The following CFAP299 variants were observed in gnomAD, a reference collection of about 807,000 sequenced individuals.
The protein encoded by CFAP299 is cilia- and flagella-associated protein 299.
In CFAP299, 21 loss-of-function variants were observed where a neutral mutation model predicts 27.0. The observed-to-expected ratio is 0.78, with a 90% CI of 0.55 to 1.12. The LOEUF (loss-of-function observed/expected upper bound fraction) is 1.12. Among genes scored for constraint, CFAP299 ranks in the 50% most tolerant of loss-of-function variants. CFAP299 has a pLI of 0.00. For synonymous variants in CFAP299, 104 were observed against 98.1 expected (o/e 1.06, Z -0.36); for missense variants, 310 against 276.6 (o/e 1.12, Z -0.86).
intron 2 of CFAP299, among the ~76,000 whole-genome samples, chr4:80,365,814 G>C (rs760279111): frequency 6.6e-6 from 1 of 152,192 alleles, no homozygotes; most frequent in Non-Finnish European, 1.5e-5. Flanking sequence ...AGTTATTCAT[G>C]TTTAAAGTCT....
intron 3 of CFAP299, among the ~76,000 whole-genome samples, chr4:80,801,314 A>C (rs1560420237): frequency 6.6e-6 from 1 of 152,040 alleles, no homozygotes; most frequent in East Asian, 1.9e-4. Context: ...ATCCCAAGAA[A>C]GCATTATGGA....
intron 4 of CFAP299, among the ~76,000 whole-genome samples, chr4:80,875,664 CAAA>C (rs199860402): frequency 1.1e-4 from 10 of 90,752 alleles, no homozygotes; most frequent in African/African-American, 1.1e-4. Flanking sequence ...AACTCTGTCT[CAAA>C]AAAAAAAAAA....
chr4:80,955,741 C>T (rs575114702), intron 5 of CFAP299, among the ~76,000 whole-genome samples: 47 of 152,250 alleles, frequency 3.1e-4, no homozygotes, highest in Non-Finnish European at 6.0e-4. Flanking sequence ...GTGGCTCATG[C>T]CTGTAATCTC....
intron 3 of CFAP299, among the ~76,000 whole-genome samples, chr4:80,764,701 C>T (rs1302715829): frequency 6.6e-6 from 1 of 152,100 alleles, no homozygotes; most frequent in East Asian, 1.9e-4. Flanking sequence ...ACCCAAATGC[C>T]CATCAATGAT....
chr4:80,366,457 A>G (rs1314983323), intron 2 of CFAP299, among the ~76,000 whole-genome samples: 1 of 152,216 alleles, frequency 6.6e-6, no homozygotes, highest in Non-Finnish European at 1.5e-5. Flanking sequence ...AGAAGGCAAA[A>G]ATGCTAAAAA....
intron 2 of CFAP299, among the ~76,000 whole-genome samples, chr4:80,433,845 C>T (rs17004897): frequency 0.029 from 4,396 of 152,216 alleles, 226 homozygotes; most frequent in African/African-American, 0.1. Context: ...TCTCTACACT[C>T]ACTGGGAATT....
chr4:80,932,740 C>T (rs573341525), intron 4 of CFAP299, among the ~76,000 whole-genome samples: 12 of 152,238 alleles, frequency 7.9e-5, no homozygotes, highest in Admixed American at 2.0e-4. Context: ...AATATATCAA[C>T]GCTAATTCAG....
chr4:80,593,864 C>T (rs1345013267), intron 3 of CFAP299, among the ~76,000 whole-genome samples: 1 of 152,104 alleles, frequency 6.6e-6, no homozygotes, highest in Non-Finnish European at 1.5e-5. Flanking sequence ...ACTTTTGCAC[C>T]ATCAGATATT....
intron 4 of CFAP299, among the ~76,000 whole-genome samples, chr4:80,933,836 G>A (rs1042356115): frequency 1.3e-5 from 2 of 152,096 alleles, no homozygotes; most frequent in African/African-American, 2.4e-5. Flanking sequence ...GGTCAAGTCA[G>A]TAAGGGTTTC....
chr4:80,930,523 A>C (rs1736563863), intron 4 of CFAP299, among the ~76,000 whole-genome samples: 1 of 152,012 alleles, frequency 6.6e-6, no homozygotes, highest in Non-Finnish European at 1.5e-5. Context: ...GTGGGATCTC[A>C]CACTATCTCC....
intron 2 of CFAP299, among the ~76,000 whole-genome samples, chr4:80,448,633 A>G (rs1456760411): frequency 6.6e-6 from 1 of 152,086 alleles, no homozygotes; most frequent in East Asian, 1.9e-4. Flanking sequence ...GAAAATTGGT[A>G]CAATCACCAG....
intron 1 of CFAP299, among the ~76,000 whole-genome samples, chr4:80,339,423 A>G (rs35633565): frequency 2.5e-3 from 388 of 152,354 alleles, no homozygotes; most frequent in Non-Finnish European, 4.4e-3. Context: ...TAGTGTATGA[A>G]TCTAATAACC....
At chr4:80,936,656 G>A (rs1736903959) in intron 4 of CFAP299, among the ~76,000 whole-genome samples, 1 of 151,954 alleles carries the variant, frequency 6.6e-6, no homozygotes, top group Non-Finnish European at 1.5e-5. Context: ...GTGGGAAGAG[G>A]GAGAGGATCA....
At chr4:80,412,279 T>TC (rs1416865816) in intron 2 of CFAP299, among the ~76,000 whole-genome samples, 1 of 151,756 alleles carries the variant, frequency 6.6e-6, no homozygotes, top group Non-Finnish European at 1.5e-5. Context: ...AGTCCTTTTT[T>TC]TTTTTTGCTT....
chr4:80,873,034 C>T lies in CFAP299; in HGVS notation c.476+2899C>T, dbSNP rs936149342. On this transcript the variant is annotated intron_variant, in intron 4 of 5. Coordinates refer to ENST00000358105, the MANE Select transcript of CFAP299 (RefSeq NM_152770.3). ...GTGCTTTTGTATTTTGTTTAATAAA[C>T]CCCATCCTTTTTGGAAGTCATAAAT... 7.1e-6 allele frequency: 7 copies of T among 979,098 alleles called. No homozygotes were observed. The African/African-American group carries it at 1.2e-4, about 17-fold the overall frequency. The allele number at this position is 979,098 out of a possible 1,614,324, so 60.7% of individuals were successfully genotyped here.
At chr4:80,363,384 T>C (rs945246261) in intron 2 of CFAP299, among the ~76,000 whole-genome samples, 1 of 152,200 alleles carries the variant, frequency 6.6e-6, no homozygotes. Flanking sequence ...TGTTAAAACA[T>C]ATGATGAAAG....
intron 4 of CFAP299, among the ~76,000 whole-genome samples, chr4:80,932,274 C>T (rs1347632455): frequency 6.6e-6 from 1 of 151,864 alleles, no homozygotes; most frequent in African/African-American, 2.4e-5. Context: ...GTAGGTTTTC[C>T]AACCATTATC....
intron 3 of CFAP299, among the ~76,000 whole-genome samples, chr4:80,603,966 T>A (rs1233461592): frequency 6.6e-6 from 1 of 152,120 alleles, no homozygotes; most frequent in Non-Finnish European, 1.5e-5. Context: ...ACATGTTACC[T>A]CATGTGGTAG....
chr4:80,884,938 C>T (rs567951330), intron 4 of CFAP299, among the ~76,000 whole-genome samples: 6 of 152,296 alleles, frequency 3.9e-5, no homozygotes, highest in East Asian at 1.9e-4. Context: ...AATTTCTTAT[C>T]GCTAAAAGAA....
Sources: allele counts gnomAD v4.1 joint callset (sites outside exome capture counted in the v4.1 genomes callset), GRCh38; gene constraint gnomAD v4.1.1; transcripts MANE v1.5; gene names NCBI Gene and HGNC (gene_info 2026-07-23, HGNC 2026-07-21).